Variants in BCO2 observed in about 807,000 individuals in gnomAD.
BCO2 encodes the protein beta-carotene oxygenase 2, also known as carotenoid-cleaving dioxygenase, mitochondrial.
BCO2 carries 56 observed loss-of-function variants against 65.8 expected under a neutral mutation model. That is an observed-to-expected ratio of 0.85 (90% CI 0.69 to 1.06). BCO2 has a LOEUF of 1.06. Among genes scored for constraint, BCO2 ranks in the 50% least tolerant of loss-of-function variants. BCO2 has a pLI of 0.00. For synonymous variants in BCO2, 233 were observed against 242.3 expected (o/e 0.96, Z 0.36); for missense variants, 675 against 698.5 (o/e 0.97, Z 0.38).
rs185154526 is a variant in BCO2, at chr11:112,202,512, C to T, written c.1194+322C>T. Among the ~76,000 whole-genome samples the T allele has an allele frequency of 3.5e-3, 525 of 152,110 alleles. 2 individuals carry two copies. The highest frequency in any genetic ancestry group is 0.011 in the African/African-American group (445 of 41,504). Reference sequence around the variant, plus strand: ...GGCCAGACTTGTCTCGAACTCCTGACCTCGAGTAATCTGACTGCTTCAGCC... The same window carrying T: ...GGCCAGACTTGTCTCGAACTCCTGATCTCGAGTAATCTGACTGCTTCAGCC... On this transcript the variant is annotated intron_variant, in intron 8 of 11. Coordinates refer to ENST00000357685, the MANE Select transcript of BCO2 (RefSeq NM_031938.7).
chr11:112,181,477 G>T (rs566153944), intron 2 of BCO2: 12 of 692,302 alleles, frequency 1.7e-5, no homozygotes, highest in African/African-American at 5.3e-5. Flanking sequence ...CACCGCGCCC[G>T]GCCGAGCTTT....
At chr11:112,198,601 G>T (rs1423688788) in intron 5 of BCO2, among the ~76,000 whole-genome samples, 1 of 152,072 alleles carries the variant, frequency 6.6e-6, no homozygotes, top group Admixed American at 6.6e-5. Context: ...CCTTTGGGGT[G>T]GGGAGGAGTC....
At chr11:112,187,393 A>G (rs972754217) in intron 2 of BCO2, among the ~76,000 whole-genome samples, 5 of 151,730 alleles carry the variant, frequency 3.3e-5, no homozygotes, top group African/African-American at 9.7e-5. Context: ...AGAGCAAATC[A>G]TACAACCTTG....
chr11:112,203,043 C>A (rs1592856493), intron 8 of BCO2, among the ~76,000 whole-genome samples: 1 of 136,300 alleles, frequency 7.3e-6, no homozygotes, highest in East Asian at 2.2e-4. Flanking sequence ...CAGTAAGACT[C>A]CATCTCCAAA....
intron 2 of BCO2, among the ~76,000 whole-genome samples, chr11:112,189,980 A>AT (rs1488007680): frequency 3.3e-5 from 5 of 152,220 alleles, no homozygotes; most frequent in Non-Finnish European, 7.3e-5. Context: ...TTATTTACGA[A>AT]TATCCACGAT....
chr11:112,184,861 A>T (rs1251958133), intron 2 of BCO2, among the ~76,000 whole-genome samples: 4 of 152,126 alleles, frequency 2.6e-5, no homozygotes, highest in Admixed American at 2.6e-4. Context: ...ACTCATCAAC[A>T]TGAGGCAAGG....
At chr11:112,209,927 C>T (rs1284548454) in intron 8 of BCO2, among the ~76,000 whole-genome samples, 1 of 151,760 alleles carries the variant, frequency 6.6e-6, no homozygotes, top group African/African-American at 2.4e-5. Flanking sequence ...TTTTTCTTTT[C>T]TATAATGTTC....
Position 112,194,733 on chromosome 11 carries a change from G to A in BCO2, c.714G>A (p.Met238Ile). 4 of 1,608,564 alleles carry A rather than the reference G, an allele frequency of 2.5e-6. No homozygotes were observed. In the South Asian group the frequency reaches 3.3e-5, roughly 13 times the overall value. ...HYDLDGTAYN[M>I]GNSFGPYGFS... ...ACCTGGATGGAACAGCATACAATAT[G>A]GGGAACTCCTTTGGGCCATATGGTA... The change falls in exon 5 of 12, where the codon ATG (methionine) becomes ATA (isoleucine). Residue 238 changes from methionine (M) to isoleucine (I), a missense_variant. Met to Ile is a conservative substitution (Grantham distance 10). Transcript: ENST00000357685.
At chr11:112,181,650 C>T in intron 2 of BCO2, 2 of 871,432 alleles carry the variant, frequency 2.3e-6, no homozygotes, top group Non-Finnish European at 3.9e-6. Flanking sequence ...AAAGAATTCT[C>T]AACCACTGGA....
rs151077825 is a variant in BCO2 at position 112,193,903 on chromosome 11, A to G, written c.542A>G (p.Asn181Ser). Residue 181 changes from asparagine to serine, a missense_variant, in exon 4 of 12, where the codon AAC becomes AGC. By Grantham distance (46) the Asn-to-Ser change is conservative (BLOSUM62 1). Transcript: ENST00000357685. ...AAAMTDNTNVNYVRYKGDYYL... is the reference protein window; with the variant it reads ...AAAMTDNTNVSYVRYKGDYYL... ...GCCATGACTGACAATACTAATGTCA[A>G]CTATGTGCGGTACAAGGGTGATTAC... is the stretch of plus-strand genomic sequence containing the variant. 4.8e-5 allele frequency: 77 copies of G among 1,609,690 alleles called. No individual in the cohort carries two copies. The highest frequency in any genetic ancestry group is 6.5e-5 in the Non-Finnish European group (77 of 1,175,952).
Position 112,214,863 on chromosome 11 carries a change from T to C in BCO2, c.1434T>C (p.Tyr478=). ...ATGATCGATTCAGTGGCAAAAAGTA[T>C]CATTTCTTTTATGGCTGTGGCTTTC... is the stretch of plus-strand genomic sequence containing the variant. ...IYYDRFSGKK[Y]HFFYGCGFRH... is the part of the protein sequence containing the mutation. The change falls in exon 10 of 12, where the codon TAT becomes TAC. Residue 478 remains tyrosine, a synonymous_variant. Coordinates refer to ENST00000357685, the MANE Select transcript of BCO2 (RefSeq NM_031938.7). The C allele has an allele frequency of 6.2e-7, 1 of 1,614,134 alleles. No individual in the cohort carries two copies. The highest frequency in any genetic ancestry group is 8.5e-7 in the Non-Finnish European group (1 of 1,179,984).
intron 5 of BCO2, among the ~76,000 whole-genome samples, chr11:112,195,889 G>T (rs759910160): frequency 2.0e-5 from 3 of 152,204 alleles, no homozygotes; most frequent in African/African-American, 4.8e-5. Context: ...AAGGGGCCAA[G>T]AATTTGCATT....
intron 2 of BCO2, chr11:112,183,216 T>C (rs1049676334): frequency 1.3e-6 from 1 of 794,524 alleles, no homozygotes; most frequent in Non-Finnish European, 2.3e-6. Context: ...TGGAGGAAGA[T>C]CTACAAGATG....
chr11:112,186,113 A>T (rs761753664), intron 2 of BCO2, among the ~76,000 whole-genome samples: 1 of 152,224 alleles, frequency 6.6e-6, no homozygotes, highest in Non-Finnish European at 1.5e-5. Flanking sequence ...AGTAGAAGAG[A>T]AGGAGGGCAA....
Position 112,217,971 on chromosome 11 carries a change from C to A in BCO2, c.*97C>A. 3.5e-6 allele frequency: 3 copies of A among 852,662 alleles called. No homozygotes were observed. Among genetic ancestry groups the A allele is most frequent in the Non-Finnish European group, 5.5e-6 (3 of 547,462 alleles). 52.8% of individuals were successfully genotyped at this position (852,662 alleles called of 1,614,324 possible). On this transcript the variant is annotated 3_prime_UTR_variant, in exon 12 of 12. Coordinates refer to ENST00000357685, the MANE Select transcript of BCO2 (RefSeq NM_031938.7). The stretch of plus-strand genomic sequence containing the variant: ...AACACTGAGGACTCCAAAAGGGGGG[C>A]AAGGAGGAAGAGGGGCAGGGGTTAA...
chr11:112,198,380 A>G (rs1179590332), intron 5 of BCO2, among the ~76,000 whole-genome samples: 2 of 152,142 alleles, frequency 1.3e-5, no homozygotes, highest in African/African-American at 2.4e-5. Flanking sequence ...TCTATTTTGC[A>G]TATTTCTGTA....
intron 2 of BCO2, among the ~76,000 whole-genome samples, chr11:112,192,447 C>A (rs551440344): frequency 6.6e-6 from 1 of 152,072 alleles, no homozygotes; most frequent in Admixed American, 6.5e-5. Flanking sequence ...AAAAGCGAAG[C>A]CACAAACTTT....
At chr11:112,200,011 G>A (rs1241802123) in intron 6 of BCO2, among the ~76,000 whole-genome samples, 184 bp downstream of exon 6, 1 of 152,112 alleles carries the variant, frequency 6.6e-6, no homozygotes, top group Non-Finnish European at 1.5e-5. Flanking sequence ...CTAGCCAGCT[G>A]ACTGCTTGAA....
intron 2 of BCO2, among the ~76,000 whole-genome samples, chr11:112,186,347 T>C (rs955533199): frequency 2.6e-5 from 4 of 152,236 alleles, no homozygotes; most frequent in Admixed American, 2.6e-4. Context: ...AAGTGTCTAC[T>C]TTGTCCTCAA....
Sources: gnomAD v4.1 joint callset for allele counts (sites outside exome capture counted in the v4.1 genomes callset) on GRCh38, gnomAD v4.1.1 for gene constraint, MANE v1.5 for transcripts, NCBI Gene and HGNC (gene_info 2026-07-23, HGNC 2026-07-21) for gene names.